Variants in AFG2A observed in about 807,000 individuals in gnomAD.
The protein encoded by AFG2A is ATPase family gene 2 protein homolog A.
At chr4:122,941,108 T>C in the AFG2A span, among the ~76,000 whole-genome samples, 12 of 149,660 alleles carry the variant, frequency 8.0e-5, no homozygotes, top group Admixed American at 4.6e-4. Context: ...ATTGACTTGG[T>C]GATGCGGGCT....
At chr4:123,160,877 G>A in the AFG2A span, among the ~76,000 whole-genome samples, 12 of 152,190 alleles carry the variant, frequency 7.9e-5, no homozygotes, top group Admixed American at 3.3e-4. Context: ...GGCATGGTTA[G>A]AGATTAACAG....
the AFG2A span, among the ~76,000 whole-genome samples, chr4:123,086,850 C>G: frequency 6.6e-6 from 1 of 152,146 alleles, no homozygotes; most frequent in Non-Finnish European, 1.5e-5. Context: ...GATGTAATCT[C>G]TATTTCTGTT....
chr4:123,090,692 A>G, the AFG2A span: 1 of 1,614,034 alleles, frequency 6.2e-7, no homozygotes, highest in Non-Finnish European at 8.5e-7. Flanking sequence ...AACCGTCCAG[A>G]TAGGATAGAC....
the AFG2A span, among the ~76,000 whole-genome samples, chr4:123,004,211 T>C: frequency 1.3e-5 from 2 of 152,178 alleles, no homozygotes; most frequent in Admixed American, 6.5e-5. Flanking sequence ...TGCCCTCTGT[T>C]ACCCCTTTCC....
the AFG2A span, among the ~76,000 whole-genome samples, chr4:123,113,257 G>C: frequency 6.6e-6 from 1 of 152,168 alleles, no homozygotes; most frequent in Non-Finnish European, 1.5e-5. Context: ...ATGAGTTAAT[G>C]GATGGAGAGG....
the AFG2A span, among the ~76,000 whole-genome samples, chr4:122,961,298 C>T: frequency 3.3e-5 from 5 of 152,094 alleles, no homozygotes; most frequent in African/African-American, 1.2e-4. Context: ...TTATGCATTT[C>T]TCTGGTAGAA....
At chr4:123,042,837 C>G in the AFG2A span, among the ~76,000 whole-genome samples, 86 of 152,202 alleles carry the variant, frequency 5.7e-4, 1 homozygote, top group Non-Finnish European at 8.8e-5. Context: ...TTTTCTTGTG[C>G]TGTATTCTGT....
At chr4:123,015,744 C>T in the AFG2A span, among the ~76,000 whole-genome samples, 2 of 150,944 alleles carry the variant, frequency 1.3e-5, no homozygotes, top group Non-Finnish European at 1.5e-5. Flanking sequence ...GGGCTCCTCA[C>T]TTCCCAGTAG....
the AFG2A span, among the ~76,000 whole-genome samples, chr4:123,153,614 G>A: frequency 3.3e-5 from 5 of 151,848 alleles, no homozygotes; most frequent in African/African-American, 1.2e-4. Context: ...TATTTATAAG[G>A]GTTAACTGCC....
the AFG2A span, among the ~76,000 whole-genome samples, chr4:123,158,971 G>A: frequency 6.6e-6 from 1 of 152,260 alleles, no homozygotes; most frequent in East Asian, 1.9e-4. Context: ...AGGATATGTG[G>A]TAAAAGAGAC....
the AFG2A span, chr4:123,090,671 T>C: frequency 2.5e-6 from 4 of 1,614,042 alleles, no homozygotes; most frequent in East Asian, 6.7e-5. Context: ...GTGACCATTT[T>C]GGCAGCTACT....
chr4:123,263,971 A>G, the AFG2A span, among the ~76,000 whole-genome samples: 1,114 of 152,314 alleles, frequency 7.3e-3, 9 homozygotes, highest in African/African-American at 0.024. Flanking sequence ...ATGCCCATCA[A>G]TCAACAAGTG....
the AFG2A span, among the ~76,000 whole-genome samples, chr4:123,174,199 G>A: frequency 1.3e-5 from 2 of 152,096 alleles, no homozygotes; most frequent in Non-Finnish European, 2.9e-5. Flanking sequence ...TCCAGATTTA[G>A]CAGTGACTAC....
At chr4:122,923,759 A>C in the AFG2A span, among the ~76,000 whole-genome samples, 1 of 152,214 alleles carries the variant, frequency 6.6e-6, no homozygotes, top group East Asian at 1.9e-4. Context: ...AATAACTGCT[A>C]GTAACTGCAC....
At chr4:123,229,644 G>A in the AFG2A span, among the ~76,000 whole-genome samples, 1 of 151,982 alleles carries the variant, frequency 6.6e-6, no homozygotes, top group Non-Finnish European at 1.5e-5. Flanking sequence ...TGTAGGAAAG[G>A]AGAAAGAAGA....
the AFG2A span, among the ~76,000 whole-genome samples, chr4:123,174,332 G>A: frequency 1.3e-5 from 2 of 152,110 alleles, no homozygotes; most frequent in African/African-American, 4.8e-5. Flanking sequence ...TGAAAACTTG[G>A]TTAAATGAAG....
chr4:123,036,720 T>C, the AFG2A span, among the ~76,000 whole-genome samples: 1 of 152,106 alleles, frequency 6.6e-6, no homozygotes, highest in Non-Finnish European at 1.5e-5. Context: ...TGTGTCATTT[T>C]TCTTTTTCCT....
chr4:123,098,775 A>G, the AFG2A span, among the ~76,000 whole-genome samples: 1 of 152,012 alleles, frequency 6.6e-6, no homozygotes, highest in African/African-American at 2.4e-5. Context: ...TTCGATGCAT[A>G]CTTAGGTTGA....
At chr4:122,979,662 G>A in the AFG2A span, among the ~76,000 whole-genome samples, 1 of 152,134 alleles carries the variant, frequency 6.6e-6, no homozygotes, top group African/African-American at 2.4e-5. Flanking sequence ...CAGCACTTTG[G>A]GAGGCTGAGG....
Sources: gnomAD v4.1 joint callset for allele counts (sites outside exome capture counted in the v4.1 genomes callset) on GRCh38, gnomAD v4.1.1 for gene constraint, MANE v1.5 for transcripts, NCBI Gene and HGNC (gene_info 2026-07-23, HGNC 2026-07-21) for gene names.